Variants in NTRK2 observed in about 807,000 individuals in gnomAD.
NTRK2 encodes the protein neurotrophic receptor tyrosine kinase 2, also known as BDNF/NT-3 growth factors receptor.
Under a neutral mutation model 94.5 loss-of-function variants are expected in NTRK2, and 13 were observed. The observed-to-expected ratio is 0.14, with a 90% CI of 0.09 to 0.22. The LOEUF (loss-of-function observed/expected upper bound fraction) is 0.22, where lower values mean the gene tolerates loss of function less well. Among genes scored for constraint, NTRK2 ranks in the 10% least tolerant of loss-of-function variants. The probability of loss-of-function intolerance (pLI) is 1.00; values close to 1 mark genes in which losing one functional copy is unlikely to be tolerated. For missense variants in NTRK2, 639 were observed against 1,071.2 expected (o/e 0.60, Z 5.63); for synonymous variants, 372 against 407.4 (o/e 0.91, Z 1.05).
intron 11 of NTRK2, among the ~76,000 whole-genome samples, chr9:84,746,592 G>A (rs2064097212): frequency 6.6e-6 from 1 of 152,070 alleles, no homozygotes; most frequent in South Asian, 2.1e-4. Context: ...TCATATGAAA[G>A]CCACACTCTT....
rs752280623 is a variant in NTRK2, at chr9:84,727,721, G to A, written c.921G>A (p.Val307=). ...SDHHWCIPFT[V]KGNPKPALQW... ...ACCACTGGTGCATTCCATTCACTGT[G>A]AAAGGCAACCCCAAACCAGCGCTTC... Residue 307 remains valine, a synonymous_variant, in exon 9 of 19, where the codon GTG becomes GTA. Coordinates refer to ENST00000277120, the MANE Select transcript of NTRK2 (RefSeq NM_006180.6). 1 of 1,613,878 alleles carries A rather than the reference G, an allele frequency of 6.2e-7. No homozygotes were observed. Among genetic ancestry groups the A allele is most frequent in the South Asian group, 1.1e-5 (1 of 91,056 alleles).
chr9:84,958,888 T>A (rs1484032797), intron 17 of NTRK2, among the ~76,000 whole-genome samples: 1 of 152,066 alleles, frequency 6.6e-6, no homozygotes, highest in Non-Finnish European at 1.5e-5. Context: ...TTCTGTTGAG[T>A]TTGTCAAATG....
intron 12 of NTRK2, among the ~76,000 whole-genome samples, chr9:84,838,741 T>A (rs1214857476): frequency 6.6e-6 from 1 of 152,226 alleles, no homozygotes; most frequent in Middle Eastern, 3.2e-3. Context: ...AGTTCACTAT[T>A]TTGTGAAGTT....
At chr9:85,003,556 G>T (rs563979736) in intron 17 of NTRK2, among the ~76,000 whole-genome samples, 5 of 152,286 alleles carry the variant, frequency 3.3e-5, no homozygotes, top group African/African-American at 1.2e-4. Context: ...GAGCTGAGCT[G>T]CACCTGTGTC....
intron 12 of NTRK2, among the ~76,000 whole-genome samples, chr9:84,767,115 A>G (rs2066110219): frequency 6.6e-6 from 1 of 152,142 alleles, no homozygotes; most frequent in African/African-American, 2.4e-5. Flanking sequence ...CTTCAGCCTG[A>G]TTCCTTTTAT....
intron 13 of NTRK2, among the ~76,000 whole-genome samples, chr9:84,863,406 C>T (rs1215128026): frequency 6.6e-6 from 1 of 152,198 alleles, no homozygotes; most frequent in African/African-American, 2.4e-5. Flanking sequence ...GCCAAGTGTG[C>T]ACCTACCTCG....
chr9:84,859,150 T>G (rs2075211538), intron 12 of NTRK2, among the ~76,000 whole-genome samples: 1 of 152,180 alleles, frequency 6.6e-6, no homozygotes, highest in African/African-American at 2.4e-5. Context: ...TGTGCAAAAC[T>G]CCAGCTTGGG....
chr9:84,734,785 GAA>G (rs2063135530), intron 9 of NTRK2, among the ~76,000 whole-genome samples: 1 of 152,190 alleles, frequency 6.6e-6, no homozygotes, highest in African/African-American at 2.4e-5. Context: ...ATGAGTCAAT[GAA>G]ACCTCTTTCC....
rs551163423 is a variant in NTRK2 at position 85,019,100 on chromosome 9, C to T, written c.2173-1106C>T. The stretch of plus-strand genomic sequence containing the variant: ...CTCTGACATTTCAGCCTCTTGGGTT[C>T]TGGGGTAGGGGAACATTTTCCAGAC... On this transcript the variant is annotated intron_variant, in intron 17 of 18. Transcript: ENST00000277120. 5.3e-5 allele frequency among the ~76,000 whole-genome samples: 8 copies of T among 152,274 alleles called. No homozygotes were observed. The South Asian group carries it at 1.7e-3, about 32-fold the overall frequency.
chr9:84,955,516 G>A lies in NTRK2; in HGVS notation c.2171G>A (p.Arg724Lys), dbSNP rs199684178. The change falls in exon 17 of 19, where the codon AGG (arginine) becomes AAG (lysine). Residue 724 changes from arginine to lysine, a missense_variant and splice_region_variant. Arg to Lys is a conservative substitution (Grantham distance 26, BLOSUM62 2). Coordinates refer to ENST00000277120, the MANE Select transcript of NTRK2 (RefSeq NM_006180.6). ...SRDVYSTDYY[R>K]VGGHTMLPIR... is the part of the protein sequence containing the mutation. ...GACGTGTACAGCACTGACTACTACA[G>A]GGTGAGTAGCTGTGCAGATCAGAGA... 6.2e-7 allele frequency: 1 copy of A among 1,612,364 alleles called. No individual in the cohort carries two copies. Among genetic ancestry groups the A allele is most frequent in the African/African-American group, 1.3e-5 (1 of 74,920 alleles).
chr9:84,944,623 GA>G (rs2078532355), intron 15 of NTRK2, among the ~76,000 whole-genome samples: 1 of 152,236 alleles, frequency 6.6e-6, no homozygotes, highest in Non-Finnish European at 1.5e-5. Context: ...CTGGATCTGT[GA>G]AAAAACATTG....
chr9:84,912,824 G>A (rs930032083), intron 14 of NTRK2, among the ~76,000 whole-genome samples: 1 of 151,776 alleles, frequency 6.6e-6, no homozygotes, highest in Non-Finnish European at 1.5e-5. Flanking sequence ...CACCTTGTTA[G>A]CCAGGATGGT....
intron 12 of NTRK2, among the ~76,000 whole-genome samples, chr9:84,807,338 G>T (rs2071241366): frequency 6.6e-6 from 1 of 152,164 alleles, no homozygotes; most frequent in Non-Finnish European, 1.5e-5. Context: ...AAAGGTCAAT[G>T]AGTAGATCCT....
chr9:84,911,370 T>A (rs1398589894), intron 14 of NTRK2, among the ~76,000 whole-genome samples: 1 of 152,172 alleles, frequency 6.6e-6, no homozygotes, highest in Non-Finnish European at 1.5e-5. Context: ...AATTTTTAAA[T>A]GTTTGGTAGA....
At chr9:84,900,358 C>T (rs188441521) in intron 14 of NTRK2, among the ~76,000 whole-genome samples, 96 of 152,170 alleles carry the variant, frequency 6.3e-4, no homozygotes, top group Admixed American at 9.8e-4. Flanking sequence ...TCTGTTTCTA[C>T]CCTTAACCTA....
chr9:84,761,203 C>A (rs1252647429), intron 12 of NTRK2, among the ~76,000 whole-genome samples: 3 of 152,154 alleles, frequency 2.0e-5, no homozygotes, highest in Non-Finnish European at 4.4e-5. Flanking sequence ...TATTTCAATT[C>A]TTTAAGTCTT....
At chr9:84,928,120 T>C (rs934763620) in intron 14 of NTRK2, among the ~76,000 whole-genome samples, 1 of 152,238 alleles carries the variant, frequency 6.6e-6, no homozygotes, top group African/African-American at 2.4e-5. Flanking sequence ...GTGTGTTTTA[T>C]GTCTGTGGTC....
At chr9:84,708,312 A>G (rs746605613) in intron 5 of NTRK2, among the ~76,000 whole-genome samples, 7 of 152,204 alleles carry the variant, frequency 4.6e-5, no homozygotes, top group Non-Finnish European at 1.0e-4. Context: ...CAAGGAGGAA[A>G]TAAAAATGGG....
intron 2 of NTRK2, among the ~76,000 whole-genome samples, chr9:84,685,322 C>T (rs1171661269): frequency 6.7e-6 from 1 of 150,046 alleles, no homozygotes; most frequent in African/African-American, 2.5e-5. Context: ...ATCAGTCTGT[C>T]TATTTACATG....
Sources: allele counts gnomAD v4.1 joint callset (sites outside exome capture counted in the v4.1 genomes callset), GRCh38; gene constraint gnomAD v4.1.1; transcripts MANE v1.5; gene names NCBI Gene and HGNC (gene_info 2026-07-23, HGNC 2026-07-21).